Variants in PARN observed in about 807,000 individuals in gnomAD.
PARN encodes poly(A)-specific ribonuclease, also known as poly(A)-specific ribonuclease PARN.
Under a neutral mutation model 102.8 loss-of-function variants are expected in PARN, and 71 were observed. That is an observed-to-expected ratio of 0.69 (90% CI 0.57 to 0.84). The LOEUF (loss-of-function observed/expected upper bound fraction) is 0.84. PARN is among the 40% of genes least tolerant of loss of function. PARN has a pLI of 0.00. For synonymous variants in PARN, 261 were observed against 252.9 expected, an observed-to-expected ratio of 1.03 and a Z score of -0.30; for missense variants, 782 against 760.9, an observed-to-expected ratio of 1.03 and a Z score of -0.33.
At chr16:14,611,617 T>A (rs1009810759) in intron 6 of PARN, among the ~76,000 whole-genome samples, 1 of 152,154 alleles carries the variant, frequency 6.6e-6, no homozygotes, top group African/African-American at 2.4e-5. Context: ...ATGAGCTCAC[T>A]GCAACCTCTG....
intron 16 of PARN, among the ~76,000 whole-genome samples, chr16:14,583,266 A>G (rs866130005): frequency 6.6e-6 from 1 of 152,218 alleles, no homozygotes; most frequent in Non-Finnish European, 1.5e-5. Context: ...CTCATAAATA[A>G]TTATATCCTA....
rs185314770 is a variant in PARN, at chr16:14,596,763, G to T, written c.840+3141C>A. On this transcript the variant is annotated intron_variant, in intron 12 of 23. Coordinates refer to ENST00000437198, the MANE Select transcript of PARN (RefSeq NM_002582.4). ...AATTAAATAAATACATAAATAAACA[G>T]GGGAAAAGGACATTTTTTTCTTTCC... Among the ~76,000 whole-genome samples, 1,334 of 151,420 alleles carry T rather than the reference G, an allele frequency of 8.8e-3. 10 individuals are homozygous for T. The highest frequency in any genetic ancestry group is 0.013 in the Non-Finnish European group (879 of 67,794).
Position 14,610,760 on chromosome 16 carries a change from A to G in PARN, c.438T>C (p.Tyr146=), listed in dbSNP as rs1971478206. The G allele has an allele frequency of 6.2e-7, 1 of 1,611,398 alleles. No individual in the cohort carries two copies. The highest frequency in any genetic ancestry group is 8.5e-7 in the Non-Finnish European group (1 of 1,177,574). The change falls in exon 7 of 24, where the codon TAT becomes TAC. Residue 146 remains tyrosine (Y), a synonymous_variant. Transcript: ENST00000437198. The part of the protein sequence containing the change: ...QEEERQLREQ[Y]DEKRSQANGA... ...CATTCGCCTGTGAACGTTTTTCATC[A>G]TACTGCTCTCTTAACTGTCTTTCTT...
chr16:14,525,029 C>T (rs372375399), intron 21 of PARN, among the ~76,000 whole-genome samples: 12 of 152,190 alleles, frequency 7.9e-5, no homozygotes, highest in East Asian at 5.8e-4. Context: ...ATAACAGAAA[C>T]AACTACTACT....
intron 21 of PARN, among the ~76,000 whole-genome samples, chr16:14,488,180 T>C (rs537194985): frequency 1.0e-3 from 153 of 152,048 alleles, no homozygotes; most frequent in African/African-American, 3.4e-3. Context: ...AAATTGTTTA[T>C]CCATGGGGGG....
chr16:14,567,697 G>GC (rs956013513), intron 18 of PARN, among the ~76,000 whole-genome samples: 5 of 152,256 alleles, frequency 3.3e-5, no homozygotes, highest in Non-Finnish European at 5.9e-5. Flanking sequence ...CTCGGTTCTG[G>GC]CATCACCAGG....
At chr16:14,603,738 G>A (rs1170185735) in intron 11 of PARN, among the ~76,000 whole-genome samples, 1 of 152,202 alleles carries the variant, frequency 6.6e-6, no homozygotes, top group Non-Finnish European at 1.5e-5. Context: ...AGCAAGCAGG[G>A]TGATGTTCCA....
At chr16:14,456,132 GC>G (rs1490677065) in intron 22 of PARN, among the ~76,000 whole-genome samples, 1 of 151,118 alleles carries the variant, frequency 6.6e-6, no homozygotes, top group Admixed American at 6.6e-5. Context: ...TCCTTACCCA[GC>G]CCCACACTGT....
intron 23 of PARN, among the ~76,000 whole-genome samples, chr16:14,446,384 G>C (rs775244175): frequency 2.0e-5 from 3 of 152,214 alleles, no homozygotes; most frequent in Non-Finnish European, 4.4e-5. Context: ...ATGAAATAAG[G>C]AGAGAAATGG....
intron 21 of PARN, among the ~76,000 whole-genome samples, chr16:14,541,020 G>A (rs1172672764): frequency 6.6e-6 from 1 of 151,872 alleles, no homozygotes; most frequent in Non-Finnish European, 1.5e-5. Context: ...GCCAAACACA[G>A]TGGCTCATGC....
chr16:14,442,665 T>A (rs1472315281), intron 23 of PARN, among the ~76,000 whole-genome samples: 4 of 146,230 alleles, frequency 2.7e-5, no homozygotes, highest in African/African-American at 4.9e-5. Context: ...TCACCCAAGC[T>A]GGAGTGCAGT....
intron 21 of PARN, among the ~76,000 whole-genome samples, chr16:14,497,386 A>T (rs1964372317): frequency 6.6e-6 from 1 of 152,224 alleles, no homozygotes; most frequent in Non-Finnish European, 1.5e-5. Flanking sequence ...CACTGGCTGG[A>T]GGTAGTGGCT....
chr16:14,548,196 C>A (rs982763558), intron 21 of PARN, among the ~76,000 whole-genome samples: 1 of 150,880 alleles, frequency 6.6e-6, no homozygotes, highest in Non-Finnish European at 1.5e-5. Flanking sequence ...TGCAGTGAGC[C>A]GAGATCGCAC....
intron 18 of PARN, among the ~76,000 whole-genome samples, chr16:14,563,518 G>GTATA (rs1191306219): frequency 0.013 from 905 of 68,066 alleles, 16 homozygotes; most frequent in African/African-American, 0.052. Flanking sequence ...GTGTGTGTGT[G>GTATA]TGTGTATATA....
At chr16:14,560,674 T>A (rs1478926566) in intron 18 of PARN, among the ~76,000 whole-genome samples, 7 of 152,156 alleles carry the variant, frequency 4.6e-5, no homozygotes, top group Non-Finnish European at 1.0e-4. Context: ...CTGGAAAGAC[T>A]CCAGGGTAAA....
chr16:14,475,863 A>G (rs1160574310), intron 22 of PARN, among the ~76,000 whole-genome samples: 3 of 152,240 alleles, frequency 2.0e-5, no homozygotes, highest in Admixed American at 6.5e-5. Context: ...TAAGAGACTA[A>G]TAACAGTTTA....
chr16:14,629,459 C>T (rs948843101), intron 2 of PARN, 138 bp downstream of exon 2: 1 of 668,226 alleles, frequency 1.5e-6, no homozygotes, highest in Non-Finnish European at 2.7e-6. Context: ...AAGGGTAACA[C>T]TGAGACCTGT....
rs1971062954 is a variant in PARN, at chr16:14,604,370, C to T, written c.703-144G>A. On this transcript the variant is annotated intron_variant, in intron 10 of 23. Coordinates refer to ENST00000437198, the MANE Select transcript of PARN (RefSeq NM_002582.4). ...CCGCCTCCTGGGTTCAAGCGATTAT[C>T]TTACCTTAGCCTCCCGAGTAGCTGG... 9.9e-6 allele frequency: 6 copies of T among 603,444 alleles called. No individual in the cohort carries two copies. The East Asian group carries it at 1.4e-4, about 14-fold the overall frequency. 37.4% of individuals were successfully genotyped at this position (603,444 alleles called of 1,614,324 possible).
chr16:14,506,934 G>A (rs1479227131), intron 21 of PARN, among the ~76,000 whole-genome samples: 1 of 151,886 alleles, frequency 6.6e-6, no homozygotes. Context: ...TCTCTCAGTA[G>A]TAATCAAAGA....
Sources: allele counts gnomAD v4.1 joint callset (sites outside exome capture counted in the v4.1 genomes callset), GRCh38; gene constraint gnomAD v4.1.1; transcripts MANE v1.5; gene names NCBI Gene and HGNC (gene_info 2026-07-23, HGNC 2026-07-21).